HTR1F: variants seen among roughly 807,000 people sequenced by gnomAD.
HTR1F encodes 5-hydroxytryptamine (serotonin) receptor 1F, G protein-coupled.
Under a neutral mutation model 24.0 loss-of-function variants are expected in HTR1F, and 17 were observed. That is an observed-to-expected ratio of 0.71 (90% CI 0.48 to 1.06). HTR1F has a LOEUF of 1.06. Among genes scored for constraint, HTR1F ranks in the 50% least tolerant of loss-of-function variants. HTR1F has a pLI of 0.00. For synonymous variants in HTR1F, 186 were observed against 156.8 expected, an observed-to-expected ratio of 1.19 and a Z score of -1.39; for missense variants, 391 against 427.8, an observed-to-expected ratio of 0.91 and a Z score of 0.76.
intron 2 of HTR1F, among the ~76,000 whole-genome samples, chr3:87,933,048 T>C (rs1704321398): frequency 1.3e-5 from 2 of 149,060 alleles, no homozygotes; most frequent in Admixed American, 6.7e-5. Flanking sequence ...GCTGGTTCAA[T>C]ATATGCAAAT....
intron 2 of HTR1F, among the ~76,000 whole-genome samples, chr3:87,947,790 A>G (rs1285493409): frequency 7.8e-5 from 1 of 12,864 alleles, no homozygotes; most frequent in Non-Finnish European, 1.3e-4. Flanking sequence ...TCATCTTTAT[A>G]TTTATTATAT....
intron 1 of HTR1F, among the ~76,000 whole-genome samples, chr3:87,805,690 G>A (rs1704062313): frequency 6.6e-6 from 1 of 152,046 alleles, no homozygotes; most frequent in Non-Finnish European, 1.5e-5. Context: ...AAGAGCTAAT[G>A]CATGCTAGGC....
At chr3:87,851,574 C>A (rs1705087141) in intron 2 of HTR1F, among the ~76,000 whole-genome samples, 1 of 151,546 alleles carries the variant, frequency 6.6e-6, no homozygotes, top group African/African-American at 2.4e-5. Context: ...ACTTTTCAGG[C>A]CAACTATGCT....
chr3:87,889,229 C>T (rs183951399), intron 2 of HTR1F, among the ~76,000 whole-genome samples: 3 of 152,086 alleles, frequency 2.0e-5, no homozygotes, highest in Non-Finnish European at 2.9e-5. Flanking sequence ...GCCAGCAGAA[C>T]CATAAGTTAA....
At chr3:87,901,328 G>A (rs1706315635) in intron 2 of HTR1F, among the ~76,000 whole-genome samples, 1 of 151,944 alleles carries the variant, frequency 6.6e-6, no homozygotes, top group South Asian at 2.1e-4. Flanking sequence ...AGTAGGAATG[G>A]CACCCTTATC....
In HTR1F at chr3:87,915,603, A is replaced by T. The variant is rs115534981; in HGVS notation, c.-42-75105A>T. Among the ~76,000 whole-genome samples, 130 of 152,314 alleles carry T rather than the reference A, an allele frequency of 8.5e-4. 1 individual carries two copies. Among genetic ancestry groups the T allele is most frequent in the Middle Eastern group, 3.4e-3 (1 of 294 alleles). On this transcript the variant is annotated intron_variant, in intron 2 of 2. Transcript: ENST00000319595. ...ACCAATAGAATTGAACAAGTAAAAG[A>T]AATTCAGAGCTTAAAGACAAGGCCT...
chr3:87,812,648 A>T (rs1704181139), intron 1 of HTR1F, among the ~76,000 whole-genome samples: 1 of 152,228 alleles, frequency 6.6e-6, no homozygotes, highest in African/African-American at 2.4e-5. Context: ...CAATGGGGAA[A>T]ATATCTCCAT....
At chr3:87,867,544 G>A (rs1282725594) in intron 2 of HTR1F, among the ~76,000 whole-genome samples, 1 of 148,810 alleles carries the variant, frequency 6.7e-6, no homozygotes, top group Non-Finnish European at 1.5e-5. Flanking sequence ...AATACTCCAG[G>A]AAAATGAGTT....
intron 2 of HTR1F, among the ~76,000 whole-genome samples, chr3:87,850,279 T>C (rs1705053844): frequency 6.6e-6 from 1 of 151,870 alleles, no homozygotes; most frequent in Admixed American, 6.6e-5. Flanking sequence ...TATGCAGCCA[T>C]AAAAAATGAT....
At chr3:87,893,976 T>A (rs1471195859) in intron 2 of HTR1F, among the ~76,000 whole-genome samples, 1 of 152,154 alleles carries the variant, frequency 6.6e-6, no homozygotes, top group South Asian at 2.1e-4. Context: ...TACTCATTTT[T>A]TTTCCTTTCT....
intron 2 of HTR1F, among the ~76,000 whole-genome samples, chr3:87,871,739 C>T (rs1162109539): frequency 6.6e-6 from 1 of 151,982 alleles, no homozygotes; most frequent in East Asian, 1.9e-4. Flanking sequence ...ATTCTATAGG[C>T]CAGAAGGGAG....
intron 2 of HTR1F, among the ~76,000 whole-genome samples, chr3:87,988,913 T>C (rs1705741453): frequency 6.6e-6 from 1 of 152,056 alleles, no homozygotes. Context: ...CCACATTATA[T>C]GTATGATTAC....
intron 2 of HTR1F, among the ~76,000 whole-genome samples, chr3:87,950,685 G>A (rs1425548960): frequency 6.6e-6 from 1 of 152,122 alleles, no homozygotes; most frequent in Non-Finnish European, 1.5e-5. Context: ...ATTTGGTATG[G>A]GAAGAGGAAA....
At chr3:87,959,689 C>G (rs949424004) in intron 2 of HTR1F, among the ~76,000 whole-genome samples, 3 of 151,168 alleles carry the variant, frequency 2.0e-5, no homozygotes, top group Non-Finnish European at 4.4e-5. Context: ...TTAGGGATAG[C>G]TCATGCTGTT....
intron 2 of HTR1F, among the ~76,000 whole-genome samples, chr3:87,862,718 G>T (rs1559609833): frequency 6.6e-6 from 1 of 151,994 alleles, no homozygotes; most frequent in Non-Finnish European, 1.5e-5. Flanking sequence ...TTGAAATTGT[G>T]TGTTCTTCTA....
intron 1 of HTR1F, among the ~76,000 whole-genome samples, chr3:87,794,224 T>C (rs1224817604): frequency 2.0e-5 from 3 of 152,208 alleles, no homozygotes; most frequent in East Asian, 1.9e-4. Context: ...CCATCGCCTC[T>C]GGGCTTGCAG....
At chr3:87,839,786 T>A (rs9839363) in intron 2 of HTR1F, among the ~76,000 whole-genome samples, 46,913 of 151,904 alleles carry the variant, frequency 0.31, 8,934 homozygotes, top group South Asian at 0.49. Context: ...TTCTCCAGTG[T>A]CTGTTGTTCC....
intron 2 of HTR1F, among the ~76,000 whole-genome samples, chr3:87,871,340 A>T (rs1705551411): frequency 6.6e-6 from 1 of 151,938 alleles, no homozygotes; most frequent in South Asian, 2.1e-4. Flanking sequence ...ATTTGAAAAG[A>T]CCTCATTTGA....
At position 87,966,551 on chromosome 3, in the gene HTR1F, C is replaced by G. The variant is rs537752909; in HGVS notation, c.-42-24157C>G. On this transcript the variant is annotated intron_variant, in intron 2 of 2. Coordinates refer to ENST00000319595, the MANE Select transcript of HTR1F (RefSeq NM_001322209.2). ...TCTTTGCATTGTGATTTCTTAACCT[C>G]GTTTTATGACAATTAATATTAGGCA... Among the ~76,000 whole-genome samples the G allele has an allele frequency of 2.2e-4, 33 of 152,162 alleles. No individual in the cohort carries two copies. In the South Asian group the frequency reaches 5.2e-3, roughly 24 times the overall value.
Sources: allele counts gnomAD v4.1 joint callset (sites outside exome capture counted in the v4.1 genomes callset), GRCh38; gene constraint gnomAD v4.1.1; transcripts MANE v1.5; gene names NCBI Gene and HGNC (gene_info 2026-07-23, HGNC 2026-07-21).